VPS51: variants seen among roughly 807,000 people sequenced by gnomAD.
VPS51 encodes the protein VPS51 subunit of GARP complex, also known as vacuolar protein sorting-associated protein 51 homolog.
VPS51 carries 55 observed loss-of-function variants against 65.1 expected under a neutral mutation model. That is an observed-to-expected ratio of 0.84 (90% confidence interval 0.68 to 1.06). The LOEUF (loss-of-function observed/expected upper bound fraction) is 1.06, where lower values mean the gene tolerates loss of function less well. VPS51 is among the 50% of genes least tolerant of loss of function. The pLI is 0.00. For missense variants in VPS51, 943 were observed against 1,101.6 expected, an observed-to-expected ratio of 0.86 and a Z score of 2.04; for synonymous variants, 473 against 489.5, an observed-to-expected ratio of 0.97 and a Z score of 0.44.
chr11:65,104,314 T>C (rs1318234779), intron 2 of VPS51, among the ~76,000 whole-genome samples: 1 of 152,206 alleles, frequency 6.6e-6, no homozygotes, highest in East Asian at 1.9e-4. Context: ...CTCGTGACTC[T>C]AGCTGAGTTG....
intron 9 of VPS51, 31 bp from the exon 10 acceptor site, chr11:65,111,296 C>G: frequency 6.3e-7 from 1 of 1,599,456 alleles, no homozygotes; most frequent in Non-Finnish European, 8.5e-7. Flanking sequence ...CCTGCAGTCC[C>G]CAAGCTGCAT....
rs1271265366 is a variant in VPS51 at position 65,110,510 on chromosome 11, G to A, written c.1907G>A (p.Arg636His). ...QVGLLYEEGVRKAQSSDSSKR... is the reference protein window; with the variant it reads ...QVGLLYEEGVHKAQSSDSSKR... ...GGGCTCCTGTACGAAGAGGGTGTTC[G>A]CAAGGCCCAGAGCAGCGACTCCAGC... The change falls in exon 8 of 10, where the codon CGC (arginine) becomes CAC (histidine). Residue 636 changes from arginine (R) to histidine (H), a missense_variant. This residue lies in a region of VPS51 where 855 missense variants were observed against 953.7 expected (regional missense o/e 0.90). Coordinates refer to ENST00000279281, the MANE Select transcript of VPS51 (RefSeq NM_013265.4). 11 of 1,613,784 alleles carry A rather than the reference G, an allele frequency of 6.8e-6. No individual in the cohort carries two copies. The highest frequency in any genetic ancestry group is 9.3e-6 in the Non-Finnish European group (11 of 1,180,008).
rs771928852 is a variant in VPS51, at chr11:65,107,758, G to A, written c.505+31G>A. The A allele has an allele frequency of 6.2e-7, 1 of 1,603,118 alleles. No individual in the cohort carries two copies. Among genetic ancestry groups the A allele is most frequent in the Admixed American group, 1.7e-5 (1 of 59,718 alleles). The stretch of plus-strand genomic sequence containing the variant: ...CGCTGCCGGGCAGGGCCTGCAGTGG[G>A]CCTTTCCTGGGGCTCTGGGGCTAAC... On this transcript the variant is annotated intron_variant, in intron 3 of 9. Transcript: ENST00000279281. This position sits in a 1 kb window ranked among gnomAD's most constrained non-coding sequence, Gnocchi z 4.0.
chr11:65,104,990 T>C (rs1391603640), intron 2 of VPS51, among the ~76,000 whole-genome samples: 1 of 152,244 alleles, frequency 6.6e-6, no homozygotes, highest in Non-Finnish European at 1.5e-5. Context: ...TAGCAAATTA[T>C]CCATTTCATC....
chr11:65,096,723 A>C, intron 1 of VPS51: 1 of 638,176 alleles, frequency 1.6e-6, no homozygotes, highest in Non-Finnish European at 2.7e-6. Context: ...ATAGGCCCGG[A>C]ATTGGGGGCG....
chr11:65,110,063 G>A, intron 7 of VPS51, 140 bp downstream of exon 7: 1 of 962,888 alleles, frequency 1.0e-6, no homozygotes, highest in Non-Finnish European at 1.5e-6. Flanking sequence ...CACGGGGCCA[G>A]TTCTGTAGCC....
At chr11:65,097,577 A>G (rs1277391090) in intron 2 of VPS51, among the ~76,000 whole-genome samples, 2 of 152,200 alleles carry the variant, frequency 1.3e-5, no homozygotes, top group African/African-American at 4.8e-5. Flanking sequence ...AAGGCCAGGC[A>G]TGGTGGCTCA....
At chr11:65,096,499 G>C (rs770215985) in intron 1 of VPS51, 21 bp downstream of exon 1, 4 of 1,127,538 alleles carry the variant, frequency 3.5e-6, no homozygotes, top group Non-Finnish European at 4.7e-6. Flanking sequence ...ACGGGGAGTG[G>C]GGGGGTGCGG....
chr11:65,107,080 G>A lies in VPS51; in HGVS notation c.359-501G>A, dbSNP rs1487403515. ...GGCAGGATTCTATCAGGACCAAAGG[G>A]AAAGGGCCCTTCAGAGAAGACAGCC... On this transcript the variant is annotated intron_variant, in intron 2 of 9. Transcript: ENST00000279281. This position sits in a 1 kb window ranked among gnomAD's most constrained non-coding sequence, Gnocchi z 4.0. The A allele has an allele frequency of 4.5e-6, 2 of 445,276 alleles. No homozygotes were observed. Among genetic ancestry groups the A allele is most frequent in the Non-Finnish European group, 9.1e-6 (2 of 220,982 alleles). 27.6% of individuals were successfully genotyped at this position (445,276 alleles called of 1,614,324 possible).
chr11:65,105,228 T>TA (rs1404441091), intron 2 of VPS51, among the ~76,000 whole-genome samples: 2 of 151,940 alleles, frequency 1.3e-5, no homozygotes, highest in Non-Finnish European at 2.9e-5. Flanking sequence ...CCCTCTCTAC[T>TA]AAAAGTACAA....
At chr11:65,097,980 G>A (rs1186918533) in intron 2 of VPS51, among the ~76,000 whole-genome samples, 6 of 152,058 alleles carry the variant, frequency 3.9e-5, no homozygotes, top group South Asian at 4.1e-4. Context: ...TCAGGAGTTC[G>A]AGACCAGCCT....
intron 2 of VPS51, among the ~76,000 whole-genome samples, chr11:65,102,017 C>CTT (rs990847395): frequency 0.02 from 2,409 of 121,832 alleles, 58 homozygotes; most frequent in East Asian, 0.052. Flanking sequence ...TCTTAACAAG[C>CTT]TTTTTTTTTT....
rs577586374 is a variant in VPS51 at position 65,097,976 on chromosome 11, G to A, written c.358+849G>A. Among the ~76,000 whole-genome samples the A allele has an allele frequency of 2.0e-3, 303 of 152,326 alleles. 1 individual carries two copies. The highest frequency in any genetic ancestry group is 3.1e-3 in the Non-Finnish European group (210 of 68,018). On this transcript the variant is annotated intron_variant, in intron 2 of 9. Transcript: ENST00000279281. Reference sequence around the variant, plus strand: ...GCAGGTGGATCACCTGAGGTCAGGAGTTCGAGACCAGCCTGGCCAATATGG... The same window carrying A: ...GCAGGTGGATCACCTGAGGTCAGGAATTCGAGACCAGCCTGGCCAATATGG...
At chr11:65,097,186 T>C in intron 2 of VPS51, 59 bp downstream of exon 2, 1 of 1,607,388 alleles carries the variant, frequency 6.2e-7, no homozygotes, top group Non-Finnish European at 8.5e-7. Context: ...CCCACCTGTG[T>C]TGGGAAAACC....
Position 65,108,493 on chromosome 11 carries a change from C to T in VPS51, c.1022C>T (p.Ala341Val), listed in dbSNP as rs903204646. The T allele has an allele frequency of 6.2e-7, 1 of 1,603,400 alleles. No individual in the cohort carries two copies. ...GGTGCCGAGAAGCTGGCGGCCTTCG[C>T]CCGGCAGCTGGGCAGCCGCTATTTT... ...PAGAEKLAAF[A>V]RQLGSRYFAL... is the part of the protein sequence containing the mutation. The change falls in exon 5 of 10, where the codon GCC becomes GTC. Residue 341 changes from alanine (A) to valine (V), a missense_variant. This residue lies in a region of VPS51 where 855 missense variants were observed against 953.7 expected (regional missense o/e 0.90). Transcript: ENST00000279281.
chr11:65,111,149 C>G (rs1463698387), intron 9 of VPS51, 178 bp from the exon 10 acceptor site: 1 of 974,436 alleles, frequency 1.0e-6, no homozygotes, highest in Admixed American at 2.0e-5. Flanking sequence ...CTACCTGTCC[C>G]CTGCCCTCCA....
At chr11:65,096,640 C>CGTCTGAGGG in intron 1 of VPS51, 162 bp downstream of exon 1, 1 of 666,412 alleles carries the variant, frequency 1.5e-6, no homozygotes, top group South Asian at 2.1e-5. Context: ...GCAGCTGAGG[C>CGTCTGAGGG]GTCTGAGGGG....
chr11:65,110,001 G>T, intron 7 of VPS51, 78 bp downstream of exon 7: 1 of 1,424,670 alleles, frequency 7.0e-7, no homozygotes, highest in Non-Finnish European at 9.5e-7. Context: ...GGGCAGCAGA[G>T]GATCACTGGC....
At position 65,107,346 on chromosome 11, in the gene VPS51, C is replaced by G; in HGVS notation, c.359-235C>G. 1.6e-6 allele frequency: 1 copy of G among 638,914 alleles called. No individual in the cohort carries two copies. Among genetic ancestry groups the G allele is most frequent in the Non-Finnish European group, 2.8e-6 (1 of 351,858 alleles). The allele number at this position is 638,914 out of a possible 1,614,324, so 39.6% of individuals were successfully genotyped here. On this transcript the variant is annotated intron_variant, in intron 2 of 9. Coordinates refer to ENST00000279281, the MANE Select transcript of VPS51 (RefSeq NM_013265.4). The surrounding 1 kb of genome is among the most constrained non-coding windows in gnomAD (Gnocchi z 4.0). The stretch of plus-strand genomic sequence containing the variant: ...TTCTGAGGGCCGGCTCTCCTGGGCA[C>G]CAGGGTTAGGGGGTTACGGGGAGTA...
Sources: gnomAD v4.1 joint callset for allele counts (sites outside exome capture counted in the v4.1 genomes callset) on GRCh38, gnomAD v4.1.1 for gene constraint, gnomAD v4.1.1 regional missense constraint, Gnocchi (gnomAD v3.1) non-coding constraint, MANE v1.5 for transcripts, NCBI Gene and HGNC (gene_info 2026-07-23, HGNC 2026-07-21) for gene names.